SANBR: variants seen among roughly 807,000 people sequenced by gnomAD.
The protein encoded by SANBR is SANT and BTB domain regulator of CSR.
Under a neutral mutation model 101.8 loss-of-function variants are expected in SANBR, and 77 were observed. That is an observed-to-expected ratio of 0.76 (90% CI 0.63 to 0.91). The LOEUF (loss-of-function observed/expected upper bound fraction) is 0.91, where lower values mean the gene tolerates loss of function less well. SANBR is among the 40% of genes least tolerant of loss of function. The pLI is 0.00. For missense variants in SANBR, 875 were observed against 853.0 expected, an observed-to-expected ratio of 1.03 and a Z score of -0.32; for synonymous variants, 279 against 274.7, an observed-to-expected ratio of 1.02 and a Z score of -0.15.
chr2:61,115,111 G>A (rs1165677662), intron 16 of SANBR, among the ~76,000 whole-genome samples: 2 of 152,100 alleles, frequency 1.3e-5, no homozygotes, highest in African/African-American at 4.8e-5. Flanking sequence ...GTTTGTGTAG[G>A]ATTTGTATTG....
downstream of SANBR, among the ~76,000 whole-genome samples, chr2:61,127,999 A>G (rs1490277418): frequency 7.9e-5 from 12 of 152,320 alleles, no homozygotes; most frequent in East Asian, 2.1e-3. Context: ...ATGGCCCAGC[A>G]CAGTGGCTCA....
chr2:61,126,426 G>A (rs918178973), downstream of SANBR, among the ~76,000 whole-genome samples: 2 of 152,076 alleles, frequency 1.3e-5, no homozygotes, highest in African/African-American at 2.4e-5. Flanking sequence ...TGCTCAAAGC[G>A]ACGTTCGTGA....
At chr2:61,114,211 T>C (rs1683967546) in intron 16 of SANBR, among the ~76,000 whole-genome samples, 1 of 152,194 alleles carries the variant, frequency 6.6e-6, no homozygotes, top group Admixed American at 6.5e-5. Context: ...CTGGGCCGCT[T>C]ACAGACTCCC....
chr2:61,105,441 A>G (rs1226903263), intron 13 of SANBR, among the ~76,000 whole-genome samples: 62 of 151,058 alleles, frequency 4.1e-4, no homozygotes, highest in Non-Finnish European at 8.8e-5. Context: ...ATCTTGGCTC[A>G]CTGCAACCTC....
chr2:61,103,983 CAA>C lies in SANBR; in HGVS notation c.1499_1500del (p.Lys500ArgfsTer4). 1.9e-6 allele frequency: 3 copies of C among 1,613,940 alleles called. No individual in the cohort carries two copies. Among genetic ancestry groups the C allele is most frequent in the Non-Finnish European group, 2.5e-6 (3 of 1,179,904 alleles). ...AGAGATGTCATTGTTGTGCCTTTTT[CAA>C]AAGATACAGTTAGGTGAGGGGTGGA... On this transcript the variant is annotated frameshift_variant, in exon 13 of 22. Coordinates refer to ENST00000402291, the MANE Select transcript of SANBR (RefSeq NM_001129993.3). LOFTEE classifies it high-confidence loss of function.
chr2:61,101,911 G>A (rs1362970803), intron 12 of SANBR, among the ~76,000 whole-genome samples: 3 of 151,770 alleles, frequency 2.0e-5, no homozygotes, highest in East Asian at 1.9e-4. Context: ...GGTGGTGGGC[G>A]CCTGTAATCC....
chr2:61,085,041 T>G (rs955177365), intron 8 of SANBR, among the ~76,000 whole-genome samples: 3 of 152,154 alleles, frequency 2.0e-5, no homozygotes, highest in African/African-American at 7.2e-5. Flanking sequence ...AATCAAGAGA[T>G]AGCTTTAGTT....
chr2:61,128,648 A>G (rs1684587559), downstream of SANBR, among the ~76,000 whole-genome samples: 1 of 152,014 alleles, frequency 6.6e-6, no homozygotes, highest in Non-Finnish European at 1.5e-5. Flanking sequence ...ACCTGCCACT[A>G]TGCCCAGCTA....
downstream of SANBR, among the ~76,000 whole-genome samples, chr2:61,128,849 C>G (rs1233178748): frequency 6.6e-6 from 1 of 151,964 alleles, no homozygotes; most frequent in African/African-American, 2.4e-5. Context: ...GTAATTCCAG[C>G]TACTTGGGAG....
chr2:61,115,744 T>C, intron 16 of SANBR: 1 of 307,494 alleles, frequency 3.3e-6, no homozygotes. Context: ...AGAACAAGAC[T>C]CTGTCTCAAA....
chr2:61,128,366 G>T (rs961617541), downstream of SANBR, among the ~76,000 whole-genome samples: 3 of 151,740 alleles, frequency 2.0e-5, no homozygotes, highest in East Asian at 5.8e-4. Flanking sequence ...GAAGGCAGTG[G>T]ATAACAGCCC....
downstream of SANBR, among the ~76,000 whole-genome samples, chr2:61,126,443 G>A (rs188391287): frequency 3.3e-5 from 5 of 152,108 alleles, no homozygotes; most frequent in African/African-American, 9.6e-5. Flanking sequence ...GTGATTTTTC[G>A]ATGTGGCTCA....
At chr2:61,066,649 C>G (rs1280545723) in intron 1 of SANBR, among the ~76,000 whole-genome samples, 2 of 152,240 alleles carry the variant, frequency 1.3e-5, no homozygotes, top group African/African-American at 4.8e-5. Context: ...CTGCCTGCCC[C>G]ACGGGGCCCC....
intron 16 of SANBR, among the ~76,000 whole-genome samples, chr2:61,110,456 G>T (rs1683775996): frequency 6.6e-6 from 1 of 152,134 alleles, no homozygotes; most frequent in South Asian, 2.1e-4. Flanking sequence ...GAGGCAGGCG[G>T]ATCACCTGAG....
chr2:61,132,686 C>T (rs1684723504), intron 20 of SANBR, among the ~76,000 whole-genome samples: 2 of 152,164 alleles, frequency 1.3e-5, no homozygotes, highest in Non-Finnish European at 2.9e-5. Flanking sequence ...AACAGGTACT[C>T]AAACCAATAC....
At chr2:61,069,840 C>G (rs1335061390) in intron 2 of SANBR, 2 of 152,336 alleles carry the variant, frequency 1.3e-5, no homozygotes, top group African/African-American at 4.8e-5. Context: ...TTAATTGAAT[C>G]ATAACTAACT....
chr2:61,103,427 C>A (rs1004581226), intron 12 of SANBR, among the ~76,000 whole-genome samples: 3 of 152,136 alleles, frequency 2.0e-5, no homozygotes, highest in African/African-American at 7.2e-5. Context: ...GCTTGAGCCA[C>A]CTCACCCAGT....
chr2:61,069,324 C>T (rs148116461), intron 2 of SANBR, among the ~76,000 whole-genome samples: 1,903 of 152,252 alleles, frequency 0.012, 16 homozygotes, highest in Middle Eastern at 0.024. Flanking sequence ...TTTCTTTCCA[C>T]GCTGTCAGTC....
Position 61,071,761 on chromosome 2 carries a change from TC to T in SANBR, c.308del (p.Pro103GlnfsTer15). The T allele has an allele frequency of 6.2e-7, 1 of 1,602,546 alleles. No homozygotes were observed. Among genetic ancestry groups the T allele is most frequent in the African/African-American group, 1.3e-5 (1 of 74,196 alleles). On this transcript the variant is annotated frameshift_variant, in exon 4 of 22. Coordinates refer to ENST00000402291, the MANE Select transcript of SANBR (RefSeq NM_001129993.3). LOFTEE classifies it high-confidence loss of function. The part of the protein sequence containing the change: ...LDIHGEFQET[P>X]VGHDAVSKTG... Reference sequence around the variant, plus strand: ...ACATACATGGAGAATTTCAGGAGACTCCAGTTGGACATGATGCAGTTTCCAA... The same window carrying T: ...ACATACATGGAGAATTTCAGGAGACTCAGTTGGACATGATGCAGTTTCCAA...
Sources: allele counts gnomAD v4.1 joint callset (sites outside exome capture counted in the v4.1 genomes callset), GRCh38; gene constraint gnomAD v4.1.1; transcripts MANE v1.5; gene names NCBI Gene and HGNC (gene_info 2026-07-23, HGNC 2026-07-21).